Variants in STK3 observed in about 807,000 individuals in gnomAD.
STK3 encodes the protein serine/threonine kinase 3, also known as serine/threonine-protein kinase 3.
A neutral mutation model predicts 58.0 loss-of-function variants in STK3; 41 were observed. That is an observed-to-expected ratio of 0.71 (90% CI 0.55 to 0.92). The LOEUF is 0.92. Among genes scored for constraint, STK3 ranks in the 40% least tolerant of loss-of-function variants. The pLI is 0.00. For synonymous variants in STK3, 170 were observed against 191.0 expected, an observed-to-expected ratio of 0.89 and a Z score of 0.91; for missense variants, 479 against 602.7, an observed-to-expected ratio of 0.79 and a Z score of 2.15.
chr8:98,926,421 C>G (rs577148431), intron 1 of STK3, among the ~76,000 whole-genome samples: 3 of 152,264 alleles, frequency 2.0e-5, no homozygotes, highest in Admixed American at 1.3e-4. Context: ...GAATACGGAA[C>G]TTTTCATTCT....
chr8:98,730,305 C>A (rs1828081660), intron 4 of STK3, among the ~76,000 whole-genome samples: 1 of 152,182 alleles, frequency 6.6e-6, no homozygotes, highest in Non-Finnish European at 1.5e-5. Flanking sequence ...TCTGGAATTT[C>A]TTCTCCATTA....
intron 6 of STK3, among the ~76,000 whole-genome samples, chr8:98,640,782 AT>A (rs1424890277): frequency 1.3e-5 from 2 of 151,658 alleles, no homozygotes; most frequent in East Asian, 1.9e-4. Flanking sequence ...ACATTTTACA[AT>A]TTTTTATTCT....
At chr8:98,933,867 A>G (rs1840096823) in intron 1 of STK3, among the ~76,000 whole-genome samples, 2 of 152,362 alleles carry the variant, frequency 1.3e-5, no homozygotes, top group South Asian at 4.1e-4. Context: ...TGTAAGTATT[A>G]ACACAGGACA....
chr8:98,706,917 C>T (rs1222386408), intron 5 of STK3, among the ~76,000 whole-genome samples: 1 of 152,076 alleles, frequency 6.6e-6, no homozygotes, highest in East Asian at 1.9e-4. Flanking sequence ...ACGTAGCTTC[C>T]CTTTTAGAAC....
intron 3 of STK3, among the ~76,000 whole-genome samples, chr8:98,869,768 C>G (rs1229954033): frequency 6.6e-6 from 1 of 151,212 alleles, no homozygotes; most frequent in Non-Finnish European, 1.5e-5. Flanking sequence ...TATAAGAAAA[C>G]AGAAATAAAT....
At chr8:98,484,382 A>G (rs1297091316) in intron 10 of STK3, among the ~76,000 whole-genome samples, 2 of 152,196 alleles carry the variant, frequency 1.3e-5, no homozygotes, top group Non-Finnish European at 2.9e-5. Context: ...ATTAAATGAA[A>G]AAATTCAAAC....
At position 98,883,774 on chromosome 8, in the gene STK3, C is replaced by G. The variant is rs76776340; in HGVS notation, c.-18G>C. On this transcript the variant is annotated 5_prime_UTR_variant, in exon 2 of 2. Coordinates refer to the STK3 transcript ENST00000519420. ...TGTAACATTTCCTCCACTGAAGAGT[C>G]TAGCTCAGAGAGATCTCTCCATCCT... 865 of 702,032 alleles carry G rather than the reference C, an allele frequency of 1.2e-3. 15 individuals carry two copies. The East Asian group carries it at 0.017, about 14-fold the overall frequency. The allele number at this position is 702,032 out of a possible 1,614,324, so 43.5% of individuals were successfully genotyped here.
At chr8:98,771,651 G>A (rs779360456) in intron 2 of STK3, among the ~76,000 whole-genome samples, 13 of 151,714 alleles carry the variant, frequency 8.6e-5, no homozygotes, top group East Asian at 1.9e-4. Flanking sequence ...TGCAACCTCC[G>A]CCTCCTGGGT....
rs182284676 is a variant in STK3, at chr8:98,757,726, G to A, written c.237-8336C>T. On this transcript the variant is annotated intron_variant, in intron 3 of 10. Coordinates refer to ENST00000419617, the MANE Select transcript of STK3 (RefSeq NM_006281.4). The stretch of plus-strand genomic sequence containing the variant: ...CACATTTATTTATCTTTTTTTTTAA[G>A]TAATTCAAACAACAAATATTCACTG... 5.3e-5 allele frequency among the ~76,000 whole-genome samples: 8 copies of A among 149,820 alleles called. No individual in the cohort carries two copies. The East Asian group carries it at 1.6e-3, about 30-fold the overall frequency.
At chr8:98,871,714 G>A (rs1209862539) in intron 3 of STK3, among the ~76,000 whole-genome samples, 1 of 152,184 alleles carries the variant, frequency 6.6e-6, no homozygotes, top group Non-Finnish European at 1.5e-5. Context: ...CTTTGCTGAC[G>A]TTGCTTATCA....
chr8:98,679,134 C>G (rs766849338), intron 6 of STK3, among the ~76,000 whole-genome samples: 1 of 152,202 alleles, frequency 6.6e-6, no homozygotes, highest in Non-Finnish European at 1.5e-5. Context: ...GCAAAAGTCT[C>G]CTAACTAGTC....
At chr8:98,855,877 C>T (rs972702020) in intron 3 of STK3, among the ~76,000 whole-genome samples, 1 of 151,866 alleles carries the variant, frequency 6.6e-6, no homozygotes, top group Non-Finnish European at 1.5e-5. Context: ...AAAAATTAGG[C>T]CGGGCATGGT....
At position 98,574,137 on chromosome 8, in the gene STK3, A is replaced by C. The variant is rs1489676826; in HGVS notation, c.948+5527T>G. Among the ~76,000 whole-genome samples the C allele has an allele frequency of 6.6e-5, 10 of 152,302 alleles. No individual in the cohort carries two copies. The East Asian group carries it at 1.9e-3, about 29-fold the overall frequency. ...ACCATATCAACTGTTGGCTATAGGA[A>C]CCAGAAAAGTAACAGGAAAAGTAAA... On this transcript the variant is annotated intron_variant, in intron 8 of 10. Transcript: ENST00000419617.
chr8:98,428,070 C>A lies in STK3; in HGVS notation n.483+6057G>T, dbSNP rs943624688. 8.1e-6 allele frequency: 13 copies of A among 1,613,220 alleles called. No individual in the cohort carries two copies. The highest frequency in any genetic ancestry group is 5.0e-5 in the Admixed American group (3 of 59,950). The stretch of plus-strand genomic sequence containing the variant: ...TGTGGGCGGCTTCAAGAGGAGGCTG[C>A]GCTCGCACACGCTGCTGCGCTTCCC... On this transcript the variant is annotated intron_variant and non_coding_transcript_variant, in intron 3 of 3. Coordinates refer to the STK3 transcript ENST00000517832. This position sits in a 1 kb window ranked among gnomAD's most constrained non-coding sequence, Gnocchi z 6.7.
intron 3 of STK3, among the ~76,000 whole-genome samples, chr8:98,424,932 T>A (rs564935026): frequency 1.3e-5 from 2 of 151,668 alleles, no homozygotes; most frequent in East Asian, 1.9e-4. Flanking sequence ...AGGATAGGGG[T>A]GAGAGCTAGG....
intron 1 of STK3, among the ~76,000 whole-genome samples, chr8:98,442,011 G>A (rs189379383): frequency 1.1e-4 from 16 of 152,182 alleles, no homozygotes; most frequent in African/African-American, 3.6e-4. Flanking sequence ...ACTCATTCTC[G>A]CATCCCTAAA....
chr8:98,573,559 C>G (rs1813137892), intron 8 of STK3, among the ~76,000 whole-genome samples: 1 of 152,118 alleles, frequency 6.6e-6, no homozygotes, highest in South Asian at 2.1e-4. Flanking sequence ...ATGTGGGTGG[C>G]AACACAGCCA....
intron 10 of STK3, among the ~76,000 whole-genome samples, chr8:98,502,275 A>C (rs1823669385): frequency 6.6e-6 from 1 of 152,184 alleles, no homozygotes; most frequent in African/African-American, 2.4e-5. Flanking sequence ...GATTTTGCTG[A>C]AGTTGCTTAT....
At chr8:98,773,954 G>A (rs1284274456) in intron 2 of STK3, among the ~76,000 whole-genome samples, 6 of 151,820 alleles carry the variant, frequency 4.0e-5, no homozygotes, top group African/African-American at 9.7e-5. Context: ...CCGCTACCAC[G>A]CCCAGCTAAT....
Sources: gnomAD v4.1 joint callset for allele counts (sites outside exome capture counted in the v4.1 genomes callset) on GRCh38, gnomAD v4.1.1 for gene constraint, Gnocchi (gnomAD v3.1) non-coding constraint, MANE v1.5 for transcripts, NCBI Gene and HGNC (gene_info 2026-07-23, HGNC 2026-07-21) for gene names.